The following B3GLCT variants were observed in gnomAD, a reference collection of about 807,000 sequenced individuals.
B3GLCT encodes beta 3-glucosyltransferase.
In B3GLCT, 65 loss-of-function variants were observed where a neutral mutation model predicts 63.4. The ratio of observed to expected loss-of-function variants is 1.03; its 90% CI spans 0.84 to 1.26. B3GLCT has a LOEUF of 1.26. B3GLCT is among the 50% of genes most tolerant of loss of function. B3GLCT has a pLI of 0.00. For missense variants in B3GLCT, 577 were observed against 604.8 expected, an observed-to-expected ratio of 0.95 and a Z score of 0.48; for synonymous variants, 233 against 219.2, an observed-to-expected ratio of 1.06 and a Z score of -0.55.
At chr13:31,213,684 C>T (rs1318853513) in intron 1 of B3GLCT, among the ~76,000 whole-genome samples, 1 of 128,084 alleles carries the variant, frequency 7.8e-6, no homozygotes, top group Admixed American at 1.0e-4. Context: ...TTATAATCAG[C>T]TGACATGTAA....
chr13:31,268,279 TC>T (rs1872425107), intron 7 of B3GLCT, among the ~76,000 whole-genome samples: 2 of 152,204 alleles, frequency 1.3e-5, no homozygotes, highest in Admixed American at 1.3e-4. Context: ...GGGTAAGTAT[TC>T]CTCCCTCGTT....
chr13:31,237,029 G>A (rs549940945), intron 4 of B3GLCT, among the ~76,000 whole-genome samples: 1 of 152,122 alleles, frequency 6.6e-6, no homozygotes, highest in South Asian at 2.1e-4. Context: ...TGGAGGCAGA[G>A]GCAGGAGAGT....
At chr13:31,204,690 C>T (rs1038577582) in intron 1 of B3GLCT, among the ~76,000 whole-genome samples, 1 of 152,094 alleles carries the variant, frequency 6.6e-6, no homozygotes, top group Non-Finnish European at 1.5e-5. Context: ...TTTCCTGAAA[C>T]TCACTCTGGC....
chr13:31,245,147 C>G (rs1157834833), intron 4 of B3GLCT, among the ~76,000 whole-genome samples: 1 of 152,064 alleles, frequency 6.6e-6, no homozygotes, highest in Non-Finnish European at 1.5e-5. Context: ...GTTTGCACTA[C>G]CTAAACCTTT....
intron 1 of B3GLCT, among the ~76,000 whole-genome samples, chr13:31,205,269 G>T (rs1868890430): frequency 6.6e-6 from 1 of 150,860 alleles, no homozygotes; most frequent in Non-Finnish European, 1.5e-5. Flanking sequence ...TAAGAGTTGG[G>T]TGTCTGGTCG....
At chr13:31,294,270 A>G (rs549142218) in intron 12 of B3GLCT, among the ~76,000 whole-genome samples, 2 of 152,216 alleles carry the variant, frequency 1.3e-5, no homozygotes, top group East Asian at 3.9e-4. Context: ...ACCTTGGTGA[A>G]TCTGACGATT....
At chr13:31,264,963 C>G (rs1335159658) in intron 7 of B3GLCT, among the ~76,000 whole-genome samples, 1 of 152,218 alleles carries the variant, frequency 6.6e-6, no homozygotes, top group African/African-American at 2.4e-5. Context: ...CACACTTTCT[C>G]TGTCCCTCTA....
At chr13:31,249,298 A>T (rs539977527) in intron 6 of B3GLCT, among the ~76,000 whole-genome samples, 5 of 152,264 alleles carry the variant, frequency 3.3e-5, no homozygotes, top group Admixed American at 2.0e-4. Flanking sequence ...AATTTCTGGG[A>T]AGCTTTAGAT....
At chr13:31,322,974 G>A (rs1012441542) in intron 13 of B3GLCT, among the ~76,000 whole-genome samples, 2 of 152,150 alleles carry the variant, frequency 1.3e-5, no homozygotes, top group Non-Finnish European at 2.9e-5. Context: ...TGGGTTTTCA[G>A]ACTTGCAGTT....
chr13:31,213,899 C>T (rs571608013), intron 1 of B3GLCT, among the ~76,000 whole-genome samples: 1 of 151,920 alleles, frequency 6.6e-6, no homozygotes, highest in Non-Finnish European at 1.5e-5. Flanking sequence ...TTTCACCCTG[C>T]CTTTTGAAAT....
chr13:31,224,616 A>G (rs1352912114), intron 3 of B3GLCT, among the ~76,000 whole-genome samples: 1 of 152,006 alleles, frequency 6.6e-6, no homozygotes, highest in Non-Finnish European at 1.5e-5. Context: ...GATAGCCTCC[A>G]TGCACGGGAT....
At chr13:31,300,727 C>A (rs1874180487) in intron 12 of B3GLCT, among the ~76,000 whole-genome samples, 1 of 152,124 alleles carries the variant, frequency 6.6e-6, no homozygotes, top group Admixed American at 6.6e-5. Context: ...TCTCAAAAGA[C>A]CAATCTTAGG....
intron 13 of B3GLCT, among the ~76,000 whole-genome samples, chr13:31,319,344 A>G (rs1267259992): frequency 1.3e-5 from 2 of 151,728 alleles, no homozygotes; most frequent in African/African-American, 4.8e-5. Context: ...TGAGTTCACT[A>G]CTCTATCTCC....
chr13:31,250,065 C>T (rs540285230), intron 6 of B3GLCT, among the ~76,000 whole-genome samples: 3 of 152,276 alleles, frequency 2.0e-5, no homozygotes, highest in Admixed American at 6.5e-5. Flanking sequence ...TTGCCTTCCT[C>T]GGTGATTTCT....
chr13:31,297,685 C>A (rs1322613862), intron 12 of B3GLCT, among the ~76,000 whole-genome samples: 3 of 152,136 alleles, frequency 2.0e-5, no homozygotes, highest in African/African-American at 7.2e-5. Flanking sequence ...CCCAAGACTG[C>A]CCTACCACCC....
intron 8 of B3GLCT, among the ~76,000 whole-genome samples, chr13:31,273,832 C>CT (rs1872669135): frequency 6.6e-6 from 1 of 152,204 alleles, no homozygotes; most frequent in Admixed American, 6.5e-5. Flanking sequence ...GTTGCAAAAT[C>CT]TAAGAGGAGA....
intron 13 of B3GLCT, among the ~76,000 whole-genome samples, chr13:31,321,838 AT>A (rs11296626): frequency 0.93 from 141,399 of 151,602 alleles, 66,517 homozygotes; most frequent in Non-Finnish European, 0.99. Context: ...TTGAATGACC[AT>A]TTTTTTTTTA....
chr13:31,238,312 T>G (rs779659891), intron 4 of B3GLCT, among the ~76,000 whole-genome samples: 4 of 152,250 alleles, frequency 2.6e-5, no homozygotes, highest in Non-Finnish European at 5.9e-5. Flanking sequence ...CATTTAATAC[T>G]GTGTGCAGAG....
chr13:31,247,708 T>C, intron 5 of B3GLCT, 147 bp from the exon 6 acceptor site: 1 of 544,200 alleles, frequency 1.8e-6, no homozygotes, highest in East Asian at 3.1e-5. Flanking sequence ...AGCATCTGGC[T>C]TTTCTATAAG....
Sources: allele counts gnomAD v4.1 joint callset (sites outside exome capture counted in the v4.1 genomes callset), GRCh38; gene constraint gnomAD v4.1.1; transcripts MANE v1.5; gene names NCBI Gene and HGNC (gene_info 2026-07-23, HGNC 2026-07-21).